LRRC28: variants seen among roughly 807,000 people sequenced by gnomAD.
LRRC28 encodes the protein leucine-rich repeat-containing protein 28.
LRRC28 carries 39 observed loss-of-function variants against 45.7 expected under a neutral mutation model. The observed-to-expected ratio is 0.85, with a 90% CI of 0.66 to 1.12. The LOEUF (loss-of-function observed/expected upper bound fraction) is 1.12. LRRC28 is among the 50% of genes most tolerant of loss of function. LRRC28 has a pLI of 0.00. For synonymous variants in LRRC28, 206 were observed against 178.8 expected (o/e 1.15, Z -1.22); for missense variants, 435 against 438.5 (o/e 0.99, Z 0.07).
rs1418992685 is a variant in LRRC28, at chr15:99,256,119, A to C, written c.162A>C (p.Thr54=). ...ERLYMKRNSL[T]SLPENLAQKL... is the part of the protein sequence containing the mutation. Reference sequence around the variant, plus strand: ...TCTATATGAAAAGGAACTCCCTGACATCCTTGGTACAGTATTATATTACAC... The same window carrying C: ...TCTATATGAAAAGGAACTCCCTGACCTCCTTGGTACAGTATTATATTACAC... Residue 54 remains threonine (T), a synonymous_variant, in exon 2 of 10, where the codon ACA becomes ACC. Transcript: ENST00000301981. 6.2e-7 allele frequency: 1 copy of C among 1,609,476 alleles called. No individual in the cohort carries two copies. Among genetic ancestry groups the C allele is most frequent in the Non-Finnish European group, 8.5e-7 (1 of 1,178,300 alleles).
chr15:99,267,873 T>G (rs2081372607), intron 2 of LRRC28, among the ~76,000 whole-genome samples: 1 of 152,222 alleles, frequency 6.6e-6, no homozygotes, highest in Admixed American at 6.5e-5. Context: ...GCCTCTCACA[T>G]GTCATAATGA....
Position 99,270,124 on chromosome 15 carries a change from C to T in LRRC28, c.169-6452C>T, listed in dbSNP as rs529731077. On this transcript the variant is annotated intron_variant, in intron 2 of 9. Transcript: ENST00000301981. ...TGGACACGTGGTATTTAACTCATGTCGTGTACCTGCTCAGAAGCAATGACA... is the reference window on the plus strand; with the variant it reads ...TGGACACGTGGTATTTAACTCATGTTGTGTACCTGCTCAGAAGCAATGACA... 3.9e-5 allele frequency among the ~76,000 whole-genome samples: 6 copies of T among 152,290 alleles called. No individual in the cohort carries two copies. In the East Asian group the frequency reaches 1.2e-3, roughly 29 times the overall value.
At chr15:99,308,476 G>C (rs1260514374) in intron 5 of LRRC28, among the ~76,000 whole-genome samples, 1 of 152,078 alleles carries the variant, frequency 6.6e-6, no homozygotes, top group Non-Finnish European at 1.5e-5. Flanking sequence ...GACCAGTCTG[G>C]GCAACATAGT....
At chr15:99,342,305 C>T (rs1026982042) in intron 6 of LRRC28, among the ~76,000 whole-genome samples, 1 of 152,164 alleles carries the variant, frequency 6.6e-6, no homozygotes, top group Non-Finnish European at 1.5e-5. Flanking sequence ...TAGTACCACT[C>T]CCTGGCCTGC....
chr15:99,308,574 A>G (rs1246827373), intron 5 of LRRC28, among the ~76,000 whole-genome samples: 1 of 152,172 alleles, frequency 6.6e-6, no homozygotes, highest in Non-Finnish European at 1.5e-5. Context: ...TCGGAGGCTG[A>G]GGTGGGGGGA....
intron 5 of LRRC28, among the ~76,000 whole-genome samples, chr15:99,307,814 T>G (rs1224170796): frequency 6.6e-6 from 1 of 152,246 alleles, no homozygotes; most frequent in Non-Finnish European, 1.5e-5. Context: ...CAATATGTTA[T>G]ACTTGTTAAC....
At chr15:99,297,604 T>C (rs909144534) in intron 5 of LRRC28, among the ~76,000 whole-genome samples, 1 of 151,598 alleles carries the variant, frequency 6.6e-6, no homozygotes, top group Non-Finnish European at 1.5e-5. Context: ...TATTATTAAT[T>C]GTAACTTTGT....
In LRRC28 at chr15:99,387,846, C is replaced by T. The variant is rs891142476; in HGVS notation, c.*1744C>T. 2.0e-5 allele frequency: 3 copies of T among 151,956 alleles called. No homozygotes were observed. Among genetic ancestry groups the T allele is most frequent in the Non-Finnish European group, 2.9e-5 (2 of 67,968 alleles). 9.4% of individuals were successfully genotyped at this position (151,956 alleles called of 1,614,324 possible). A position where few individuals can be genotyped will look rare whatever the true frequency, so the allele number is the denominator to read the frequency against. ...TAGCTGCCCTGACTTTATAATGCTACGCTCTTAACAGTGCCAAAAATCCTA... is the reference window on the plus strand; with the variant it reads ...TAGCTGCCCTGACTTTATAATGCTATGCTCTTAACAGTGCCAAAAATCCTA... On this transcript the variant is annotated 3_prime_UTR_variant, in exon 10 of 10. Transcript: ENST00000301981.
At position 99,333,774 on chromosome 15, in the gene LRRC28, T is replaced by C. The variant is rs1202030878; in HGVS notation, c.386-149T>C. Reference sequence around the variant, plus strand: ...CACCTAGCTTGGATTATTTGCATTTTCACCAAAAATCCTGCACTTCAGCAT... The same window carrying C: ...CACCTAGCTTGGATTATTTGCATTTCCACCAAAAATCCTGCACTTCAGCAT... On this transcript the variant is annotated intron_variant, in intron 5 of 9. Coordinates refer to ENST00000301981, the MANE Select transcript of LRRC28 (RefSeq NM_144598.5). 1.9e-5 allele frequency: 15 copies of C among 793,374 alleles called. No individual in the cohort carries two copies. The East Asian group carries it at 4.0e-4, about 21-fold the overall frequency. The allele number at this position is 793,374 out of a possible 1,614,324, so 49.1% of individuals were successfully genotyped here. A position where few individuals can be genotyped will look rare whatever the true frequency, so the allele number is the denominator to read the frequency against.
At chr15:99,307,660 C>G (rs1337434156) in intron 5 of LRRC28, among the ~76,000 whole-genome samples, 3 of 152,286 alleles carry the variant, frequency 2.0e-5, no homozygotes, top group East Asian at 3.9e-4. Flanking sequence ...CAGTTTATTT[C>G]TATCCTCTTA....
intron 9 of LRRC28, among the ~76,000 whole-genome samples, chr15:99,365,269 A>T (rs2152329122): frequency 6.6e-6 from 1 of 152,394 alleles, no homozygotes; most frequent in Non-Finnish European, 1.5e-5. Context: ...TTCAGAACAT[A>T]AATATTATTA....
At chr15:99,329,096 T>G (rs188848179) in intron 5 of LRRC28, among the ~76,000 whole-genome samples, 150 of 152,364 alleles carry the variant, frequency 9.8e-4, no homozygotes, top group African/African-American at 3.5e-3. Context: ...TATCATTCCT[T>G]CTTACCATTT....
At chr15:99,325,766 G>A (rs1255055829) in intron 5 of LRRC28, among the ~76,000 whole-genome samples, 1 of 148,826 alleles carries the variant, frequency 6.7e-6, no homozygotes, top group African/African-American at 2.4e-5. Context: ...ACCCACTTGT[G>A]GGGAAGAGAG....
chr15:99,306,702 GCCTAGTTTTATA>G (rs1955194535), intron 5 of LRRC28, among the ~76,000 whole-genome samples: 2 of 152,318 alleles, frequency 1.3e-5, no homozygotes, highest in East Asian at 1.9e-4. Context: ...TTTAAAAGAA[GCCTAGTTTTATA>G]CCTTGGCTCT....
chr15:99,271,352 C>T (rs139556145), intron 2 of LRRC28, among the ~76,000 whole-genome samples: 350 of 151,364 alleles, frequency 2.3e-3, no homozygotes, highest in African/African-American at 7.7e-3. Flanking sequence ...CATCTTGGCT[C>T]ACTGCAACCT....
intron 6 of LRRC28, among the ~76,000 whole-genome samples, chr15:99,348,261 C>G (rs1035468584): frequency 6.6e-6 from 1 of 152,038 alleles, no homozygotes; most frequent in African/African-American, 2.4e-5. Flanking sequence ...CTTTGCTGTG[C>G]AGAAGCTTTT....
intron 5 of LRRC28, among the ~76,000 whole-genome samples, chr15:99,298,191 C>A (rs1340913514): frequency 6.6e-6 from 1 of 152,158 alleles, no homozygotes; most frequent in African/African-American, 2.4e-5. Flanking sequence ...ACACTATAAC[C>A]CAAGTGATCC....
At chr15:99,339,566 A>C (rs1432247102) in intron 6 of LRRC28, among the ~76,000 whole-genome samples, 1 of 152,182 alleles carries the variant, frequency 6.6e-6, no homozygotes, top group Non-Finnish European at 1.5e-5. Context: ...CCCCGTCTCT[A>C]CTAAAAATAC....
In LRRC28 at chr15:99,386,014, C is replaced by T; in HGVS notation, c.1032-16C>T. The T allele has an allele frequency of 6.2e-7, 1 of 1,612,184 alleles. No individual in the cohort carries two copies. The highest frequency in any genetic ancestry group is 8.5e-7 in the Non-Finnish European group (1 of 1,178,306). On this transcript the variant is annotated splice_polypyrimidine_tract_variant and intron_variant, in intron 9 of 9. Coordinates refer to ENST00000301981, the MANE Select transcript of LRRC28 (RefSeq NM_144598.5). ...TTGAACTCACAGCGTTCTTCTCTCC[C>T]TTTTTCCCCTTCCAGGAAGACAACT...
Sources: allele counts gnomAD v4.1 joint callset (sites outside exome capture counted in the v4.1 genomes callset), GRCh38; gene constraint gnomAD v4.1.1; transcripts MANE v1.5; gene names NCBI Gene and HGNC (gene_info 2026-07-23, HGNC 2026-07-21).